The following CACNA1D variants were observed in gnomAD, a reference collection of about 807,000 sequenced individuals.
CACNA1D encodes the protein calcium voltage-gated channel subunit alpha1 D.
Under a neutral mutation model 257.1 loss-of-function variants are expected in CACNA1D, and 55 were observed. The observed-to-expected ratio is 0.21, with a 90% CI of 0.17 to 0.27. The LOEUF is 0.27. CACNA1D is among the 10% of genes least tolerant of loss of function. The probability of loss-of-function intolerance (pLI) is 1.00; values close to 1 mark genes in which losing one functional copy is unlikely to be tolerated. For missense variants in CACNA1D, 1,876 were observed against 2,784.0 expected, an observed-to-expected ratio of 0.67 and a Z score of 7.34; for synonymous variants, 980 against 1,014.9, an observed-to-expected ratio of 0.97 and a Z score of 0.65.
chr3:53,780,872 G>A (rs776784137), intron 38 of CACNA1D, among the ~76,000 whole-genome samples: 8 of 152,190 alleles, frequency 5.3e-5, no homozygotes, highest in Non-Finnish European at 1.2e-4. Flanking sequence ...GGAGAGGGAA[G>A]AGGAGGCAGC....
chr3:53,813,184 C>T lies in CACNA1D; in HGVS notation c.*1778C>T, dbSNP rs2095608441. The T allele has an allele frequency of 7.3e-6, 1 of 137,302 alleles. No homozygotes were observed. Among genetic ancestry groups the T allele is most frequent in the African/African-American group, 2.7e-5 (1 of 36,720 alleles). The allele number at this position is 137,302 out of a possible 1,614,324, so 8.5% of individuals were successfully genotyped here. On this transcript the variant is annotated 3_prime_UTR_variant, in exon 48 of 48. Transcript: ENST00000350061. ...AACAAACACCACTTTGTTATGAAGA[C>T]CTTACAAACCTCTTCTTAAGACATT...
intron 3 of CACNA1D, among the ~76,000 whole-genome samples, chr3:53,623,784 T>G (rs988277440): frequency 7.9e-5 from 12 of 152,210 alleles, no homozygotes; most frequent in Admixed American, 6.5e-5. Flanking sequence ...ACAGCTCTGA[T>G]TCTCCCCTTT....
intron 30 of CACNA1D, among the ~76,000 whole-genome samples, chr3:53,769,117 G>C (rs565190753): frequency 6.6e-6 from 1 of 152,360 alleles, no homozygotes; most frequent in South Asian, 2.1e-4. Flanking sequence ...TGAACACTCA[G>C]GTAGTGCTAG....
rs116416946 is a variant in CACNA1D, at chr3:53,572,323, G to A, written c.483+70603G>A. On this transcript the variant is annotated intron_variant, in intron 3 of 47. Coordinates refer to ENST00000350061, the MANE Select transcript of CACNA1D (RefSeq NM_001128840.3). ...GATTTCTTTTTATCCCTCTACCATC[G>A]AAATCATCAACTTTTTTGGCCCTCT... Among the ~76,000 whole-genome samples the A allele has an allele frequency of 2.9e-3, 448 of 152,098 alleles. 1 individual carries two copies. Among genetic ancestry groups the A allele is most frequent in the African/African-American group, 9.9e-3 (409 of 41,496 alleles).
intron 7 of CACNA1D, among the ~76,000 whole-genome samples, chr3:53,668,376 C>T (rs1402629162): frequency 2.0e-5 from 3 of 152,078 alleles, no homozygotes; most frequent in African/African-American, 7.2e-5. Flanking sequence ...GCAAAAGTTT[C>T]CGCTTACTTT....
intron 3 of CACNA1D, among the ~76,000 whole-genome samples, chr3:53,625,297 C>T (rs905566130): frequency 2.6e-5 from 4 of 152,194 alleles, no homozygotes; most frequent in Admixed American, 2.0e-4. Context: ...AGTCTGTCCC[C>T]ACTACCTTTG....
intron 44 of CACNA1D, among the ~76,000 whole-genome samples, 158 bp downstream of exon 44, chr3:53,803,730 AAG>A (rs1436774296): frequency 6.6e-5 from 10 of 152,212 alleles, no homozygotes; most frequent in Non-Finnish European, 1.0e-4. Flanking sequence ...GAGCTGGAGA[AAG>A]AGAGCCGCAG....
chr3:53,604,780 T>C (rs1007958079), intron 3 of CACNA1D, among the ~76,000 whole-genome samples: 6 of 152,186 alleles, frequency 3.9e-5, no homozygotes, highest in Non-Finnish European at 5.9e-5. Flanking sequence ...ACTCTGACCC[T>C]CTACCAGGGG....
chr3:53,726,377 C>G (rs185724888), intron 14 of CACNA1D, among the ~76,000 whole-genome samples: 1 of 152,274 alleles, frequency 6.6e-6, no homozygotes, highest in East Asian at 1.9e-4. Flanking sequence ...GTGGCTCATG[C>G]CTGTAATCCC....
At chr3:53,715,496 A>G (rs1272229737) in intron 9 of CACNA1D, among the ~76,000 whole-genome samples, 1 of 152,084 alleles carries the variant, frequency 6.6e-6, no homozygotes, top group Non-Finnish European at 1.5e-5. Context: ...GGGCAAAATG[A>G]CACTGGATTG....
At chr3:53,592,524 C>T (rs771710645) in intron 3 of CACNA1D, among the ~76,000 whole-genome samples, 2 of 152,138 alleles carry the variant, frequency 1.3e-5, no homozygotes, top group African/African-American at 4.8e-5. Flanking sequence ...TCTGATTTGT[C>T]TAATGTCACC....
chr3:53,760,360 A>C (rs1414553904), intron 29 of CACNA1D, among the ~76,000 whole-genome samples: 2 of 152,204 alleles, frequency 1.3e-5, no homozygotes, highest in Non-Finnish European at 2.9e-5. Context: ...GTGTTTGATC[A>C]CAAGTTTCTG....
chr3:53,751,661 G>T lies in CACNA1D; in HGVS notation c.3517-88G>T. ...CACGGCCCCTTCCCGGGAGCTGTAG[G>T]GTGAGCTCTTTCAGAGCAGATGACC... On this transcript the variant is annotated intron_variant, in intron 27 of 47. Coordinates refer to ENST00000350061, the MANE Select transcript of CACNA1D (RefSeq NM_001128840.3). This position sits in a 1 kb window ranked among gnomAD's most constrained non-coding sequence, Gnocchi z 4.3. The T allele has an allele frequency of 7.5e-7, 1 of 1,338,816 alleles. No individual in the cohort carries two copies. The highest frequency in any genetic ancestry group is 1.7e-5 in the Admixed American group (1 of 59,582). 82.9% of individuals were successfully genotyped at this position (1,338,816 alleles called of 1,614,324 possible).
At chr3:53,745,578 G>A in intron 23 of CACNA1D, 46 bp from the exon 24 acceptor site, 1 of 1,304,888 alleles carries the variant, frequency 7.7e-7, no homozygotes, top group Non-Finnish European at 1.1e-6. Context: ...CTCACCTCAA[G>A]GCCAAAATCA....
At chr3:53,745,195 C>G (rs1399163423) in intron 23 of CACNA1D, among the ~76,000 whole-genome samples, 1 of 150,616 alleles carries the variant, frequency 6.6e-6, no homozygotes, top group Admixed American at 6.6e-5. Flanking sequence ...GGGTGGGGAC[C>G]CTTTGGGCCC....
intron 3 of CACNA1D, among the ~76,000 whole-genome samples, chr3:53,507,980 G>A (rs1329285202): frequency 6.6e-6 from 1 of 151,884 alleles, no homozygotes; most frequent in Non-Finnish European, 1.5e-5. Context: ...GCTGGAAAGG[G>A]GGGGCTGAAA....
At chr3:53,753,854 T>G (rs1039119510) in intron 29 of CACNA1D, among the ~76,000 whole-genome samples, 172 bp downstream of exon 29, 1 of 152,158 alleles carries the variant, frequency 6.6e-6, no homozygotes, top group African/African-American at 2.4e-5. Flanking sequence ...TATGGGAAAA[T>G]GAATCTGCAA....
At position 53,649,535 on chromosome 3, in the gene CACNA1D, C is replaced by G. The variant is rs78339591; in HGVS notation, c.484-1244C>G. 2.5e-4 allele frequency among the ~76,000 whole-genome samples: 38 copies of G among 152,210 alleles called. No individual in the cohort carries two copies. The East Asian group carries it at 7.2e-3, about 29-fold the overall frequency. On this transcript the variant is annotated intron_variant, in intron 3 of 47. Transcript: ENST00000350061. ...AACTTCCCCCTCCACACACCTCCCC[C>G]CCACACCAACAGACTAAATGACAGG...
At chr3:53,776,489 C>G in intron 35 of CACNA1D, 114 bp from the exon 36 acceptor site, 1 of 1,276,484 alleles carries the variant, frequency 7.8e-7, no homozygotes, top group African/African-American at 1.5e-5. Flanking sequence ...TTTACAACTT[C>G]TCTTGGAGAC....
Sources: gnomAD v4.1 joint callset for allele counts (sites outside exome capture counted in the v4.1 genomes callset) on GRCh38, gnomAD v4.1.1 for gene constraint, Gnocchi (gnomAD v3.1) non-coding constraint, MANE v1.5 for transcripts, NCBI Gene and HGNC (gene_info 2026-07-23, HGNC 2026-07-21) for gene names.